Variants in FYTTD1 observed in about 807,000 individuals in gnomAD.
FYTTD1 encodes the protein forty-two-three domain containing 1, also known as UAP56-interacting factor.
In FYTTD1, 22 loss-of-function variants were observed where a neutral mutation model predicts 40.9. The ratio of observed to expected loss-of-function variants is 0.54; its 90% CI spans 0.38 to 0.77. FYTTD1 has a LOEUF of 0.77. Ranked by LOEUF, FYTTD1 falls within the 30% of genes least tolerant of loss-of-function variation. FYTTD1 has a pLI of 0.00. For missense variants in FYTTD1, 351 were observed against 392.2 expected (o/e 0.90, Z 0.89); for synonymous variants, 140 against 137.9 (o/e 1.01, Z -0.10).
intron 1 of FYTTD1, chr3:197,750,695 T>C: frequency 1.0e-6 from 1 of 985,374 alleles, no homozygotes; most frequent in Non-Finnish European, 1.2e-6. Flanking sequence ...GCCTGTGGGA[T>C]GTGGTTGTGT....
chr3:197,750,405 C>T (rs1728978453), intron 1 of FYTTD1: 4 of 1,055,782 alleles, frequency 3.8e-6, no homozygotes, highest in Non-Finnish European at 4.6e-6. Flanking sequence ...TCGCCGCTCG[C>T]CGGCTCTTTG....
intron 1 of FYTTD1, among the ~76,000 whole-genome samples, chr3:197,751,289 T>G (rs1435507474): frequency 1.3e-5 from 2 of 152,130 alleles, no homozygotes; most frequent in African/African-American, 4.8e-5. Context: ...TGATCAGAAA[T>G]AATAGGTTTG....
chr3:197,769,632 A>G (rs1269929193), intron 3 of FYTTD1, among the ~76,000 whole-genome samples: 27 of 151,856 alleles, frequency 1.8e-4, no homozygotes, highest in Admixed American at 1.8e-3. Flanking sequence ...GCCTCTAACC[A>G]CGTCTACTCC....
intron 2 of FYTTD1, among the ~76,000 whole-genome samples, chr3:197,767,383 C>G (rs1289617551): frequency 1.3e-5 from 2 of 151,004 alleles, no homozygotes; most frequent in African/African-American, 4.9e-5. Context: ...TGTGATCCAC[C>G]TGCCTCGGCC....
At position 197,781,901 on chromosome 3, in the gene FYTTD1, G is replaced by T. The variant is rs140954379; in HGVS notation, c.949G>T (p.Val317Leu). The change falls in exon 9 of 9, where the codon GTG becomes TTG. Residue 317 changes from valine (V) to leucine (L), a missense_variant. By Grantham distance (32) the Val-to-Leu change is conservative (BLOSUM62 1). Coordinates refer to ENST00000241502, the MANE Select transcript of FYTTD1 (RefSeq NM_032288.7). ...CAAAGGGGGAAGCCGCTTTGTCACC[G>T]TGGGATAGGTCCCATGTCAAAGGAA... is the stretch of plus-strand genomic sequence containing the variant. ...YNKGGSRFVT[V>L]G The T allele has an allele frequency of 1.2e-6, 2 of 1,600,230 alleles. No individual in the cohort carries two copies. Among genetic ancestry groups the T allele is most frequent in the Middle Eastern group, 3.3e-4 (2 of 6,024 alleles).
intron 2 of FYTTD1, among the ~76,000 whole-genome samples, chr3:197,763,951 C>G (rs552601248): frequency 6.6e-6 from 1 of 152,332 alleles, no homozygotes; most frequent in South Asian, 2.1e-4. Context: ...ACTAGACGCT[C>G]TGGCGGTACT....
intron 2 of FYTTD1, 50 bp downstream of exon 2, chr3:197,756,607 T>C (rs747787038): frequency 2.6e-6 from 4 of 1,525,108 alleles, no homozygotes; most frequent in Non-Finnish European, 3.6e-6. Context: ...TGTGTGTTCA[T>C]AGTGTACTGT....
At position 197,768,448 on chromosome 3, in the gene FYTTD1, A is replaced by G. The variant is rs1425595206; in HGVS notation, c.245A>G (p.Lys82Arg). Residue 82 changes from lysine (K) to arginine (R), a missense_variant, in exon 3 of 9, where the codon AAG (lysine) becomes AGG (arginine). Coordinates refer to ENST00000241502, the MANE Select transcript of FYTTD1 (RefSeq NM_032288.7). Reference sequence around the variant, plus strand: ...TTTTGCCCTCCTATAGGTTTTGGTAAGACTAGTCTGAATCGTAGAGGAAGA... The same window carrying G: ...TTTTGCCCTCCTATAGGTTTTGGTAGGACTAGTCTGAATCGTAGAGGAAGA... ...WGIQQNSGFG[K>R]TSLNRRGRVM... 6.2e-7 allele frequency: 1 copy of G among 1,606,130 alleles called. No individual in the cohort carries two copies. The highest frequency in any genetic ancestry group is 1.7e-5 in the Admixed American group (1 of 59,398).
chr3:197,765,772 G>A (rs1423762588), intron 2 of FYTTD1, among the ~76,000 whole-genome samples: 3 of 151,914 alleles, frequency 2.0e-5, no homozygotes, highest in South Asian at 2.1e-4. Flanking sequence ...TGAGGCGGGC[G>A]GATCACAAGG....
In FYTTD1 at chr3:197,763,411, T is replaced by C. The variant is rs937188685; in HGVS notation, c.236-5028T>C. Reference sequence around the variant, plus strand: ...CCTGGGCGACAGAGTGAGACTCTTGTCTCAAAAAAAAAAAAAAAAGTTTTT... The same window carrying C: ...CCTGGGCGACAGAGTGAGACTCTTGCCTCAAAAAAAAAAAAAAAAGTTTTT... On this transcript the variant is annotated intron_variant, in intron 2 of 8. Coordinates refer to ENST00000241502, the MANE Select transcript of FYTTD1 (RefSeq NM_032288.7). The C allele has an allele frequency of 6.0e-5, 20 of 332,218 alleles. No homozygotes were observed. The Middle Eastern group carries it at 1.2e-3, about 20-fold the overall frequency. The allele number at this position is 332,218 out of a possible 1,614,324, so 20.6% of individuals were successfully genotyped here.
intron 7 of FYTTD1, 119 bp downstream of exon 7, chr3:197,777,120 A>G: frequency 1.5e-6 from 1 of 646,732 alleles, no homozygotes; most frequent in Non-Finnish European, 2.7e-6. Context: ...GGAAGACAGT[A>G]ATACCTGTGA....
chr3:197,766,293 T>C (rs1381924578), intron 2 of FYTTD1, among the ~76,000 whole-genome samples: 1 of 152,198 alleles, frequency 6.6e-6, no homozygotes, highest in Non-Finnish European at 1.5e-5. Context: ...ATATTATTTA[T>C]AATTAGAACT....
At chr3:197,750,694 ATG>A (rs1728996623) in intron 1 of FYTTD1, 13 of 985,278 alleles carry the variant, frequency 1.3e-5, no homozygotes, top group Non-Finnish European at 1.4e-5. Flanking sequence ...CGCCTGTGGG[ATG>A]TGGTTGTGTA....
chr3:197,765,307 T>A (rs1409694870), intron 2 of FYTTD1, among the ~76,000 whole-genome samples: 1 of 152,166 alleles, frequency 6.6e-6, no homozygotes, highest in Non-Finnish European at 1.5e-5. Context: ...TCACTTATTC[T>A]TTTGGAATAT....
chr3:197,760,321 G>A (rs1729342460), intron 2 of FYTTD1, among the ~76,000 whole-genome samples: 1 of 152,116 alleles, frequency 6.6e-6, no homozygotes, highest in Non-Finnish European at 1.5e-5. Context: ...GTTCTTCAGT[G>A]GTAGAATGTA....
chr3:197,774,424 G>C (rs545176786), intron 6 of FYTTD1, among the ~76,000 whole-genome samples: 1 of 152,338 alleles, frequency 6.6e-6, no homozygotes, highest in African/African-American at 2.4e-5. Flanking sequence ...TCAAGGCTGT[G>C]AAGTGCCATA....
intron 2 of FYTTD1, 76 bp from the exon 3 acceptor site, chr3:197,768,363 G>A (rs1729612365): frequency 9.5e-7 from 1 of 1,052,588 alleles, no homozygotes; most frequent in Non-Finnish European, 1.4e-6. Flanking sequence ...CCCCTTCCTT[G>A]GGAAATAGAA....
chr3:197,772,567 T>C (rs927579164), intron 4 of FYTTD1, among the ~76,000 whole-genome samples: 2 of 152,210 alleles, frequency 1.3e-5, no homozygotes, highest in Non-Finnish European at 2.9e-5. Flanking sequence ...TTAAGAGCAT[T>C]GTTCTGTGCA....
intron 7 of FYTTD1, 78 bp downstream of exon 7, chr3:197,777,079 C>A: frequency 1.2e-6 from 1 of 857,816 alleles, no homozygotes; most frequent in South Asian, 1.5e-5. Context: ...GACTTCTGCT[C>A]AGAGAATGAT....
Sources: allele counts gnomAD v4.1 joint callset (sites outside exome capture counted in the v4.1 genomes callset), GRCh38; gene constraint gnomAD v4.1.1; transcripts MANE v1.5; gene names NCBI Gene and HGNC (gene_info 2026-07-23, HGNC 2026-07-21).